Variants in AKT3 observed in about 807,000 individuals in gnomAD.
The protein encoded by AKT3 is AKT serine/threonine kinase 3.
AKT3 carries 15 observed loss-of-function variants against 65.3 expected under a neutral mutation model. That is an observed-to-expected ratio of 0.23 (90% CI 0.15 to 0.35). The LOEUF (loss-of-function observed/expected upper bound fraction) is 0.35. Ranked by LOEUF, AKT3 falls within the 10% of genes least tolerant of loss-of-function variation. The pLI is 1.00. For missense variants in AKT3, 243 were observed against 576.5 expected, an observed-to-expected ratio of 0.42 and a Z score of 5.92; for synonymous variants, 206 against 183.8, an observed-to-expected ratio of 1.12 and a Z score of -0.98.
At chr1:243,750,585 T>TG (rs1180305338) in intron 2 of AKT3, among the ~76,000 whole-genome samples, 1 of 145,060 alleles carries the variant, frequency 6.9e-6, no homozygotes, top group African/African-American at 2.5e-5. Context: ...AGGCTAATCT[T>TG]TTTTTTTTTT....
chr1:243,541,414 T>C (rs1672309862), intron 12 of AKT3, among the ~76,000 whole-genome samples: 3 of 145,644 alleles, frequency 2.1e-5, no homozygotes, highest in Non-Finnish European at 2.9e-5. Context: ...TTGGGCTGTT[T>C]TCTAGGTCTT....
intron 13 of AKT3, among the ~76,000 whole-genome samples, chr1:243,505,960 T>C (rs1005298695): frequency 3.3e-5 from 5 of 152,260 alleles, no homozygotes; most frequent in Non-Finnish European, 7.3e-5. Flanking sequence ...TTGAAAGGCA[T>C]CAAAACAGGC....
intron 2 of AKT3, among the ~76,000 whole-genome samples, chr1:243,803,963 A>G (rs1324108555): frequency 6.6e-6 from 1 of 152,226 alleles, no homozygotes; most frequent in Non-Finnish European, 1.5e-5. Context: ...CGTTGCCCTG[A>G]GGCTATAAGC....
At chr1:243,807,906 G>A (rs1046331535) in intron 2 of AKT3, among the ~76,000 whole-genome samples, 17 of 152,294 alleles carry the variant, frequency 1.1e-4, no homozygotes, top group African/African-American at 4.1e-4. Context: ...CTCTGCTAAT[G>A]ATACCCAGGC....
chr1:243,804,500 T>C (rs892653226), intron 2 of AKT3, among the ~76,000 whole-genome samples: 1 of 152,232 alleles, frequency 6.6e-6, no homozygotes, highest in Non-Finnish European at 1.5e-5. Context: ...CACATAGTTA[T>C]CATTTTTGTG....
intron 9 of AKT3, among the ~76,000 whole-genome samples, chr1:243,571,136 G>A (rs973041703): frequency 2.6e-5 from 4 of 152,104 alleles, no homozygotes; most frequent in African/African-American, 2.4e-5. Context: ...GGCCAACTCC[G>A]TGAAACCCTG....
intron 8 of AKT3, among the ~76,000 whole-genome samples, chr1:243,576,952 C>G (rs775938932): frequency 4.6e-5 from 7 of 152,180 alleles, no homozygotes; most frequent in Non-Finnish European, 8.8e-5. Context: ...AAGCTGGAGC[C>G]ATCACACTAC....
At chr1:243,627,269 G>A (rs1679241788) in intron 6 of AKT3, among the ~76,000 whole-genome samples, 3 of 151,774 alleles carry the variant, frequency 2.0e-5, no homozygotes, top group African/African-American at 7.3e-5. Context: ...CAAGGCAGGA[G>A]GATCACTTGA....
chr1:243,767,887 T>C (rs954231915), intron 2 of AKT3, among the ~76,000 whole-genome samples: 2 of 152,022 alleles, frequency 1.3e-5, no homozygotes, highest in African/African-American at 4.8e-5. Context: ...TTATATTTAC[T>C]ATTTGCTTAC....
intron 1 of AKT3, among the ~76,000 whole-genome samples, chr1:243,849,634 A>C (rs183883683): frequency 9.4e-5 from 13 of 138,950 alleles, no homozygotes; most frequent in East Asian, 2.2e-4. Flanking sequence ...CCCCCTCCCC[A>C]CGCCGCGCGG....
At chr1:243,592,458 T>A (rs1230937984) in intron 8 of AKT3, among the ~76,000 whole-genome samples, 1 of 151,920 alleles carries the variant, frequency 6.6e-6, no homozygotes, top group African/African-American at 2.4e-5. Context: ...CAGAAAAGCT[T>A]AACAGCGACC....
chr1:243,522,131 T>G (rs1670757713), intron 12 of AKT3, among the ~76,000 whole-genome samples: 1 of 152,186 alleles, frequency 6.6e-6, no homozygotes, highest in South Asian at 2.1e-4. Flanking sequence ...AAGGACAAGT[T>G]GCATTTATTA....
At chr1:243,699,465 CTATATATATATATATATATATA>C (rs58911364) in intron 2 of AKT3, among the ~76,000 whole-genome samples, 57,398 of 103,614 alleles carry the variant, frequency 0.55, 16,617 homozygotes, top group Middle Eastern at 0.65. Context: ...ACCTCTTCCA[CTATATATATATATATATATATA>C]TATATATATA....
intron 2 of AKT3, among the ~76,000 whole-genome samples, chr1:243,750,237 C>A (rs1688717894): frequency 1.3e-5 from 2 of 152,104 alleles, no homozygotes; most frequent in Admixed American, 6.6e-5. Context: ...CCAATTATTT[C>A]AAATCATAAT....
intron 2 of AKT3, among the ~76,000 whole-genome samples, chr1:243,732,779 T>G (rs144897294): frequency 1.3e-5 from 2 of 152,174 alleles, no homozygotes; most frequent in African/African-American, 4.8e-5. Context: ...TGTTGCCTCT[T>G]TCACACCACC....
intron 2 of AKT3, among the ~76,000 whole-genome samples, chr1:243,802,005 G>C (rs1239171092): frequency 1.3e-5 from 2 of 152,020 alleles, no homozygotes; most frequent in East Asian, 3.9e-4. Flanking sequence ...CAATAGTGGG[G>C]GCTAATATAT....
rs1325571748 is a variant in AKT3 at position 243,512,356 on chromosome 1, G to A, written c.1322C>T (p.Ala441Val). ...DTRYFDEEFT[A>V]QTITITPPEK... is the part of the protein sequence containing the mutation. ...AGGTGGTGTTATTGTAATAGTCTGA[G>A]CTGTAAATTCTTCATCAAAATATCT... The change falls in exon 13 of 14, where the codon GCT (alanine) becomes GTT (valine). Residue 441 changes from alanine to valine, a missense_variant. Coordinates refer to ENST00000673466, the MANE Select transcript of AKT3 (RefSeq NM_005465.7). 1.9e-6 allele frequency: 3 copies of A among 1,577,472 alleles called. No homozygotes were observed. Among genetic ancestry groups the A allele is most frequent in the Non-Finnish European group, 2.6e-6 (3 of 1,156,490 alleles).
At chr1:243,736,164 T>C (rs1687831717) in intron 2 of AKT3, among the ~76,000 whole-genome samples, 2 of 152,230 alleles carry the variant, frequency 1.3e-5, no homozygotes, top group South Asian at 4.1e-4. Flanking sequence ...CAGTGTAACC[T>C]GGATAACAAT....
intron 1 of AKT3, chr1:243,843,498 T>TA (rs2148478287): frequency 9.2e-7 from 1 of 1,082,450 alleles, no homozygotes; most frequent in East Asian, 4.7e-5. Context: ...ACTTTTAACC[T>TA]AAGAGGTTGC....
Sources: allele counts gnomAD v4.1 joint callset (sites outside exome capture counted in the v4.1 genomes callset), GRCh38; gene constraint gnomAD v4.1.1; transcripts MANE v1.5; gene names NCBI Gene and HGNC (gene_info 2026-07-23, HGNC 2026-07-21).